The following GON4L variants were observed in gnomAD, a reference collection of about 807,000 sequenced individuals.
The protein encoded by GON4L is gon-4 like.
A neutral mutation model predicts 211.8 loss-of-function variants in GON4L; 87 were observed. The ratio of observed to expected loss-of-function variants is 0.41; its 90% CI spans 0.35 to 0.49. The LOEUF (loss-of-function observed/expected upper bound fraction) is 0.49. GON4L is among the 20% of genes least tolerant of loss of function. The pLI, the probability that GON4L is intolerant of heterozygous loss-of-function variation, is 0.15. For synonymous variants in GON4L, 875 were observed against 962.6 expected (o/e 0.91, Z 1.68); for missense variants, 2,155 against 2,659.5 (o/e 0.81, Z 4.17).
At chr1:155,773,690 C>T (rs1663455655) in intron 17 of GON4L, among the ~76,000 whole-genome samples, 1 of 152,152 alleles carries the variant, frequency 6.6e-6, no homozygotes, top group Admixed American at 6.5e-5. Flanking sequence ...CCTCCTGAGG[C>T]TGGGAACAAA....
intron 4 of GON4L, among the ~76,000 whole-genome samples, chr1:155,822,002 T>C (rs1440547346): frequency 6.6e-6 from 1 of 152,186 alleles, no homozygotes; most frequent in African/African-American, 2.4e-5. Context: ...TTATCAACAT[T>C]GAATCTACTA....
At chr1:155,748,395 T>C (rs1403258184), downstream of GON4L, 1 of 1,608,400 alleles carries the variant, frequency 6.2e-7, no homozygotes, top group East Asian at 2.2e-5. Context: ...GGTGTCTTCT[T>C]ACAGGCCATT....
Position 155,762,326 on chromosome 1 carries a change from C to T in GON4L, c.4775G>A (p.Arg1592His), listed in dbSNP as rs372648010. The T allele has an allele frequency of 9.3e-6, 15 of 1,613,454 alleles. No homozygotes were observed. Among genetic ancestry groups the T allele is most frequent in the East Asian group, 2.2e-5 (1 of 44,878 alleles). Residue 1592 changes from arginine to histidine, a missense_variant, in exon 23 of 32, where the codon CGC becomes CAC. Coordinates refer to ENST00000368331, the MANE Select transcript of GON4L (RefSeq NM_001282860.2). The part of the protein sequence containing the change: ...AGKGRNNHRA[R>H]NKRGSRARAS... ...CCGAGCCCGACTTCCCCGCTTGTTGCGAGCTCGATGATTGTTCCGGCCTTT... is the reference window on the plus strand; with the variant it reads ...CCGAGCCCGACTTCCCCGCTTGTTGTGAGCTCGATGATTGTTCCGGCCTTT...
rs747951310 is a variant in GON4L, at chr1:155,767,561, G to T, written c.2647-20C>A. ...ATAAAACTTAACATGAAAAAAATGCGCATGAATTACATTCCTTCTGGAAAC... is the reference window on the plus strand; with the variant it reads ...ATAAAACTTAACATGAAAAAAATGCTCATGAATTACATTCCTTCTGGAAAC... On this transcript the variant is annotated intron_variant, in intron 19 of 31. Coordinates refer to ENST00000368331, the MANE Select transcript of GON4L (RefSeq NM_001282860.2). The T allele has an allele frequency of 6.3e-7, 1 of 1,599,932 alleles. No individual in the cohort carries two copies. The highest frequency in any genetic ancestry group is 8.5e-7 in the Non-Finnish European group (1 of 1,170,312).
In GON4L at chr1:155,766,377, C is replaced by A. The variant is rs141220853; in HGVS notation, c.3096G>T (p.Pro1032=). 4,746 of 1,614,042 alleles carry A rather than the reference C, an allele frequency of 2.9e-3. 14 individuals are homozygous for A. The highest frequency in any genetic ancestry group is 3.6e-3 in the Non-Finnish European group (4,282 of 1,179,990). ...PARSTHSEAP[P]SKMVLRIPHP... Reference sequence around the variant, plus strand: ...GAGGAATCCGGAGCACCATTTTGCTCGGAGGGGCTTCTGAATGAGTTGATC... The same window carrying A: ...GAGGAATCCGGAGCACCATTTTGCTAGGAGGGGCTTCTGAATGAGTTGATC... The change falls in exon 21 of 32, where the codon CCG becomes CCT. Residue 1032 remains proline (P), a synonymous_variant. Coordinates refer to ENST00000368331, the MANE Select transcript of GON4L (RefSeq NM_001282860.2).
chr1:155,777,960 A>ACT, intron 14 of GON4L, 140 bp from the exon 15 acceptor site: 3 of 702,952 alleles, frequency 4.3e-6, no homozygotes, highest in Non-Finnish European at 7.8e-6. Flanking sequence ...CAACAGTCAA[A>ACT]CTCTCAGCCT....
rs543619951 is a variant in GON4L at position 155,824,305 on chromosome 1, G to A, written c.698-1829C>T. 2.7e-5 allele frequency among the ~76,000 whole-genome samples: 4 copies of A among 150,822 alleles called. No individual in the cohort carries two copies. In the South Asian group the frequency reaches 6.3e-4, roughly 24 times the overall value. On this transcript the variant is annotated intron_variant, in intron 3 of 31. Transcript: ENST00000368331. ...AAAAATTAGCCGGCCATGGTGGCACGTGCCTGTAGTCCCAGCTACTTGGGA... is the reference window on the plus strand; with the variant it reads ...AAAAATTAGCCGGCCATGGTGGCACATGCCTGTAGTCCCAGCTACTTGGGA...
chr1:155,791,248 G>C (rs1665520234), intron 12 of GON4L, among the ~76,000 whole-genome samples: 1 of 152,034 alleles, frequency 6.6e-6, no homozygotes, highest in African/African-American at 2.4e-5. Context: ...GGGAACAAGA[G>C]TGAGACTTCG....
At chr1:155,756,063 G>C (rs149650474) in intron 27 of GON4L, among the ~76,000 whole-genome samples, 1 of 151,478 alleles carries the variant, frequency 6.6e-6, no homozygotes, top group Non-Finnish European at 1.5e-5. Flanking sequence ...TCATATCCTA[G>C]CACCACCACT....
rs1667988653 is a variant in GON4L, at chr1:155,813,714, T to C, written c.1372A>G (p.Arg458Gly). Residue 458 changes from arginine (R) to glycine (G), a missense_variant, in exon 10 of 32, where the codon AGA becomes GGA. Arg to Gly is a moderately radical substitution (Grantham distance 125). Around this residue, in one of 6 missense-constraint regions of GON4L, gnomAD observed 551 missense variants for 854.0 expected, o/e 0.65. Coordinates refer to ENST00000368331, the MANE Select transcript of GON4L (RefSeq NM_001282860.2). ...PPPPPKPKQT[R>G]DSTFMEKLHA... is the part of the protein sequence containing the mutation. ...AACTTCTCCATGAAAGTACTATCTC[T>C]GGTCTGTTTCGGCTTTGGAGGGGGC... is the stretch of plus-strand genomic sequence containing the variant. The C allele has an allele frequency of 1.2e-6, 2 of 1,613,256 alleles. No homozygotes were observed. Among genetic ancestry groups the C allele is most frequent in the Non-Finnish European group, 1.7e-6 (2 of 1,179,264 alleles).
intron 3 of GON4L, among the ~76,000 whole-genome samples, chr1:155,823,212 A>G (rs1046839937): frequency 1.3e-5 from 2 of 152,210 alleles, no homozygotes; most frequent in African/African-American, 4.8e-5. Flanking sequence ...TACAGGTGTG[A>G]GCCACCGTAC....
At chr1:155,778,292 C>T (rs1322565860) in intron 14 of GON4L, among the ~76,000 whole-genome samples, 1 of 152,190 alleles carries the variant, frequency 6.6e-6, no homozygotes, top group African/African-American at 2.4e-5. Context: ...CGCTCTGTCG[C>T]CCAGGCTGGA....
At chr1:155,845,011 G>A (rs985809921) in intron 2 of GON4L, among the ~76,000 whole-genome samples, 12 of 152,172 alleles carry the variant, frequency 7.9e-5, no homozygotes, top group South Asian at 4.1e-4. Flanking sequence ...TCCAGTGCTA[G>A]GCAGGGCCAA....
chr1:155,757,000 C>T lies in GON4L; in HGVS notation c.5475G>A (p.Lys1825=), dbSNP rs1419019976. 6.2e-7 allele frequency: 1 copy of T among 1,613,634 alleles called. No individual in the cohort carries two copies. The highest frequency in any genetic ancestry group is 8.5e-7 in the Non-Finnish European group (1 of 1,179,722). The part of the protein sequence containing the change: ...EEPPKIPTAS[K]NKRKKEIGVQ... ...CCCCGATCTCTTTTTTCCTCTTGTTCTTTGAGGCTGTGGGTATCTTGGGAG... is the reference window on the plus strand; with the variant it reads ...CCCCGATCTCTTTTTTCCTCTTGTTTTTTGAGGCTGTGGGTATCTTGGGAG... The change falls in exon 27 of 32, where the codon AAG becomes AAA. Residue 1825 remains lysine, a synonymous_variant. Coordinates refer to ENST00000368331, the MANE Select transcript of GON4L (RefSeq NM_001282860.2).
intron 30 of GON4L, 25 bp from the exon 31 acceptor site, chr1:155,751,894 C>T (rs762772599): frequency 3.5e-5 from 56 of 1,611,658 alleles, no homozygotes; most frequent in Admixed American, 2.2e-4. Flanking sequence ...TCATGATTAA[C>T]CCTAGGGAGC....
intron 13 of GON4L, chr1:155,784,358 CTTTTTTTTTTTTTTTTT>C (rs869034483): frequency 0.011 from 1,124 of 103,984 alleles, 7 homozygotes; most frequent in East Asian, 0.077. Flanking sequence ...TCTCTCTCTC[CTTTTTTTTTTTTTTTTT>C]TTTTTTTTTT....
In GON4L at chr1:155,760,580, T is replaced by C. The variant is rs777745064; in HGVS notation, c.4973A>G (p.Glu1658Gly). ...KYEDFLQVIY[E>G]FESSTQRRTA... is the part of the protein sequence containing the mutation. ...CCGTCTCTGGGTACTTGACTCAAAT[T>C]CATAGATGACTTGAAGGAAGTCTTC... The change falls in exon 24 of 32, where the codon GAA (glutamate) becomes GGA (glycine). Residue 1658 changes from glutamate to glycine, a missense_variant. Glu to Gly is a moderately conservative substitution (Grantham distance 98). Coordinates refer to ENST00000368331, the MANE Select transcript of GON4L (RefSeq NM_001282860.2). 5.0e-6 allele frequency: 8 copies of C among 1,613,402 alleles called. No individual in the cohort carries two copies. In the East Asian group the frequency reaches 8.9e-5, roughly 18 times the overall value.
At chr1:155,791,484 G>T (rs1665548426) in intron 12 of GON4L, among the ~76,000 whole-genome samples, 1 of 146,942 alleles carries the variant, frequency 6.8e-6, no homozygotes, top group Non-Finnish European at 1.5e-5. Flanking sequence ...CCTATGTTTT[G>T]CATAGGGAAA....
Position 155,766,024 on chromosome 1 carries a change from G to T in GON4L, c.3449C>A (p.Thr1150Asn). The T allele has an allele frequency of 6.2e-7, 1 of 1,614,208 alleles. No individual in the cohort carries two copies. Among genetic ancestry groups the T allele is most frequent in the Non-Finnish European group, 8.5e-7 (1 of 1,180,038 alleles). ...PASVIFTVPA[T>N]TVKIVSLGGG... ...GCCAAGGCTCACAATCTTCACAGTG[G>T]TAGCAGGAACAGTGAAGATAACAGA... is the stretch of plus-strand genomic sequence containing the variant. The change falls in exon 21 of 32, where the codon ACC becomes AAC. Residue 1150 changes from threonine to asparagine, a missense_variant. Transcript: ENST00000368331.
Sources: allele counts gnomAD v4.1 joint callset (sites outside exome capture counted in the v4.1 genomes callset), GRCh38; gene constraint gnomAD v4.1.1; regional missense constraint gnomAD v4.1.1; transcripts MANE v1.5; gene names NCBI Gene and HGNC (gene_info 2026-07-23, HGNC 2026-07-21).